Variants in PRR5L observed in about 807,000 individuals in gnomAD.
PRR5L encodes the protein proline rich 5 like, also known as proline-rich protein 5-like.
A neutral mutation model predicts 36.4 loss-of-function variants in PRR5L; 21 were observed. The observed-to-expected ratio is 0.58, with a 90% CI of 0.41 to 0.83. The LOEUF (loss-of-function observed/expected upper bound fraction) is 0.83, where lower values mean the gene tolerates loss of function less well. Ranked by LOEUF, PRR5L falls within the 40% of genes least tolerant of loss-of-function variation. PRR5L has a pLI of 0.00. For missense variants in PRR5L, 381 were observed against 473.3 expected (o/e 0.80, Z 1.81); for synonymous variants, 188 against 197.0 (o/e 0.95, Z 0.38).
At chr11:36,297,113 G>A (rs978419300) in intron 1 of PRR5L, among the ~76,000 whole-genome samples, 2 of 152,138 alleles carry the variant, frequency 1.3e-5, no homozygotes, top group African/African-American at 2.4e-5. Flanking sequence ...ATTGAAGTAC[G>A]GATAATTTAA....
chr11:36,412,672 G>A (rs1402592392), intron 3 of PRR5L, among the ~76,000 whole-genome samples: 1 of 151,360 alleles, frequency 6.6e-6, no homozygotes. Flanking sequence ...ATTGGTAAAA[G>A]TAAGTCAGGC....
intron 1 of PRR5L, among the ~76,000 whole-genome samples, chr11:36,370,926 AG>A (rs1461182141): frequency 2.0e-5 from 3 of 152,030 alleles, no homozygotes; most frequent in Non-Finnish European, 4.4e-5. Flanking sequence ...AAACAAAACA[AG>A]AAGAAAATTA....
At chr11:36,339,125 T>G (rs1357774114) in intron 1 of PRR5L, among the ~76,000 whole-genome samples, 1 of 152,226 alleles carries the variant, frequency 6.6e-6, no homozygotes, top group East Asian at 1.9e-4. Context: ...TTTTGTAAAT[T>G]GCCCAGTCTC....
At chr11:36,358,856 CT>C (rs1167854636) in intron 1 of PRR5L, among the ~76,000 whole-genome samples, 2 of 152,316 alleles carry the variant, frequency 1.3e-5, no homozygotes, top group East Asian at 3.9e-4. Flanking sequence ...AGGAAAGATA[CT>C]TCATACATCT....
intron 7 of PRR5L, among the ~76,000 whole-genome samples, chr11:36,448,861 G>T (rs1266191348): frequency 1.3e-5 from 2 of 150,486 alleles, no homozygotes; most frequent in Non-Finnish European, 2.9e-5. Context: ...TTTTCTCAAG[G>T]TCTTGTACTC....
chr11:36,395,727 A>T (rs940818251), intron 1 of PRR5L, among the ~76,000 whole-genome samples: 18 of 151,850 alleles, frequency 1.2e-4, no homozygotes, highest in African/African-American at 4.3e-4. Flanking sequence ...TTTATTAGTT[A>T]TTTTTTTTAA....
In PRR5L at chr11:36,337,596, T is replaced by C. The variant is rs139438810; in HGVS notation, c.-126+41158T>C. 1.5e-3 allele frequency among the ~76,000 whole-genome samples: 235 copies of C among 152,354 alleles called. 3 individuals are homozygous for C. Among genetic ancestry groups the C allele is most frequent in the African/African-American group, 5.1e-3 (212 of 41,576 alleles). Reference sequence around the variant, plus strand: ...CCTCCAAACAGGTTTCAGCACATGCTCATTTATTCTTCTTGCCTAAATGGC... The same window carrying C: ...CCTCCAAACAGGTTTCAGCACATGCCCATTTATTCTTCTTGCCTAAATGGC... On this transcript the variant is annotated intron_variant, in intron 1 of 8. Transcript: ENST00000530639.
rs1857283722 is a variant in PRR5L, at chr11:36,377,329, G to A, written c.-125-23668G>A. 6.6e-6 allele frequency among the ~76,000 whole-genome samples: 1 copy of A among 152,206 alleles called. No homozygotes were observed. Among genetic ancestry groups the A allele is most frequent in the Non-Finnish European group, 1.5e-5 (1 of 68,030 alleles). ...ACGGGCTGTGAGCAAGCCCTGGGAC[G>A]GCCCGGCTGCGGACCCCGCGCTGGG... On this transcript the variant is annotated intron_variant, in intron 1 of 8. Transcript: ENST00000530639. The surrounding 1 kb of genome is among the most constrained non-coding windows in gnomAD (Gnocchi z 5.1).
intron 1 of PRR5L, among the ~76,000 whole-genome samples, chr11:36,352,576 A>C (rs1590474039): frequency 6.6e-6 from 1 of 152,282 alleles, no homozygotes; most frequent in South Asian, 2.1e-4. Context: ...TGCCTACAGG[A>C]GTAACTCATG....
At chr11:36,330,450 AATC>A (rs544424341) in intron 1 of PRR5L, among the ~76,000 whole-genome samples, 146 of 152,322 alleles carry the variant, frequency 9.6e-4, no homozygotes, top group Non-Finnish European at 1.9e-3. Context: ...CTAGTGGTAT[AATC>A]ATCAAGTTAC....
At chr11:36,351,318 T>TTATATATA (rs1856944608) in intron 1 of PRR5L, among the ~76,000 whole-genome samples, 1 of 73,976 alleles carries the variant, frequency 1.4e-5, no homozygotes, top group Non-Finnish European at 2.3e-5. Flanking sequence ...TTATATATAT[T>TTATATATA]TATAAATATT....
At chr11:36,431,477 G>A (rs1207699469) in intron 4 of PRR5L, among the ~76,000 whole-genome samples, 1 of 151,080 alleles carries the variant, frequency 6.6e-6, no homozygotes, top group African/African-American at 2.4e-5. Context: ...AAAAAAATAT[G>A]TTATTTCTGC....
At chr11:36,387,004 C>T (rs567397887) in intron 1 of PRR5L, among the ~76,000 whole-genome samples, 8 of 152,212 alleles carry the variant, frequency 5.3e-5, no homozygotes, top group Non-Finnish European at 7.4e-5. Flanking sequence ...AATGGGCTGG[C>T]GCAGGGGCAG....
At chr11:36,330,950 C>T (rs113683349) in intron 1 of PRR5L, among the ~76,000 whole-genome samples, 9 of 152,122 alleles carry the variant, frequency 5.9e-5, no homozygotes, top group African/African-American at 1.7e-4. Flanking sequence ...GGATTACAGA[C>T]GTCCACCACC....
At chr11:36,439,204 C>T (rs551109972) in intron 6 of PRR5L, among the ~76,000 whole-genome samples, 16 of 152,128 alleles carry the variant, frequency 1.1e-4, no homozygotes, top group South Asian at 8.3e-4. Flanking sequence ...ACCACCATTT[C>T]GAGGGGCCCT....
chr11:36,351,318 T>G (rs1350301186), intron 1 of PRR5L, among the ~76,000 whole-genome samples: 58 of 73,998 alleles, frequency 7.8e-4, no homozygotes, highest in Middle Eastern at 0.019. Context: ...TTATATATAT[T>G]TATAAATATT....
intron 1 of PRR5L, among the ~76,000 whole-genome samples, chr11:36,307,456 A>T (rs1355850470): frequency 2.0e-5 from 3 of 152,204 alleles, no homozygotes; most frequent in Admixed American, 6.5e-5. Flanking sequence ...GGGGAGGTTG[A>T]TTCAGCAGCT....
chr11:36,303,654 A>C (rs1262900486), intron 1 of PRR5L, among the ~76,000 whole-genome samples: 1 of 152,204 alleles, frequency 6.6e-6, no homozygotes, highest in Non-Finnish European at 1.5e-5. Flanking sequence ...ATTGTCTCTC[A>C]ACTCACTAAC....
At chr11:36,373,487 T>G (rs1410172244) in intron 1 of PRR5L, among the ~76,000 whole-genome samples, 2 of 151,678 alleles carry the variant, frequency 1.3e-5, no homozygotes, top group Non-Finnish European at 2.9e-5. Context: ...GTGATCCCAG[T>G]GCTTTGGGAG....
Sources: gnomAD v4.1 joint callset for allele counts (sites outside exome capture counted in the v4.1 genomes callset) on GRCh38, gnomAD v4.1.1 for gene constraint, Gnocchi (gnomAD v3.1) non-coding constraint, MANE v1.5 for transcripts, NCBI Gene and HGNC (gene_info 2026-07-23, HGNC 2026-07-21) for gene names.